The following TENM2 variants were observed in gnomAD, a reference collection of about 807,000 sequenced individuals.
TENM2 encodes the protein teneurin transmembrane protein 2, also known as teneurin-2.
TENM2 carries 52 observed loss-of-function variants against 245.2 expected under a neutral mutation model. The observed-to-expected ratio is 0.21, with a 90% CI of 0.17 to 0.27. TENM2 has a LOEUF of 0.27. TENM2 is among the 10% of genes least tolerant of loss of function. TENM2 has a pLI of 1.00. For missense variants in TENM2, 3,046 were observed against 3,666.8 expected, an observed-to-expected ratio of 0.83 and a Z score of 4.37; for synonymous variants, 1,363 against 1,438.9, an observed-to-expected ratio of 0.95 and a Z score of 1.19.
chr5:167,777,531 G>A (rs533237381), intron 2 of TENM2, among the ~76,000 whole-genome samples: 19 of 152,282 alleles, frequency 1.2e-4, no homozygotes, highest in African/African-American at 4.6e-4. Context: ...TGGGTTCCCT[G>A]GCCTTGAATC....
intron 2 of TENM2, among the ~76,000 whole-genome samples, chr5:167,760,754 A>G (rs1000946473): frequency 9.2e-5 from 14 of 152,116 alleles, no homozygotes; most frequent in Non-Finnish European, 1.8e-4. Flanking sequence ...CCCAAGTTCA[A>G]GTGATTCTCC....
chr5:168,195,352 C>T (rs372624828), intron 15 of TENM2, 57 bp downstream of exon 17: 1 of 1,546,168 alleles, frequency 6.5e-7, no homozygotes. Flanking sequence ...TGCAAAGGGA[C>T]AGACGGTGCT....
chr5:167,964,157 T>C (rs1781217616), intron 4 of TENM2, among the ~76,000 whole-genome samples: 1 of 152,212 alleles, frequency 6.6e-6, no homozygotes. Context: ...CTCCTTCCTC[T>C]GCTGAAAGTG....
chr5:167,121,702 G>A, the TENM2 span, among the ~76,000 whole-genome samples: 2 of 152,196 alleles, frequency 1.3e-5, no homozygotes, highest in Admixed American at 6.5e-5. Context: ...AAGTCTCTAG[G>A]AGTACATAGC....
chr5:167,995,565 A>G (rs1783992751), intron 5 of TENM2, among the ~76,000 whole-genome samples: 1 of 152,198 alleles, frequency 6.6e-6, no homozygotes, highest in African/African-American at 2.4e-5. Flanking sequence ...AGGTGACCGC[A>G]GGTCTGCAAG....
chr5:167,741,506 G>A (rs1270768877), intron 2 of TENM2, among the ~76,000 whole-genome samples: 1 of 152,144 alleles, frequency 6.6e-6, no homozygotes, highest in Non-Finnish European at 1.5e-5. Context: ...AATGTCTGCA[G>A]CAAGTCTGCC....
At chr5:167,545,423 G>T (rs2127611481) in intron 2 of TENM2, among the ~76,000 whole-genome samples, 1 of 152,222 alleles carries the variant, frequency 6.6e-6, no homozygotes, top group South Asian at 2.1e-4. Context: ...TCTCTATAAT[G>T]ATATTACTCA....
intron 7 of TENM2, chr5:168,088,225 C>A (rs767875435): frequency 6.6e-6 from 1 of 152,128 alleles, no homozygotes; most frequent in African/African-American, 2.4e-5. Flanking sequence ...CTTCTCACCT[C>A]GGCACCAAGG....
chr5:167,621,696 T>A (rs1778186085), intron 2 of TENM2, among the ~76,000 whole-genome samples: 1 of 152,090 alleles, frequency 6.6e-6, no homozygotes, highest in Admixed American at 6.5e-5. Context: ...CCTGAACCCC[T>A]AGGATACCTA....
intron 2 of TENM2, among the ~76,000 whole-genome samples, chr5:167,853,466 G>T (rs1381205211): frequency 6.6e-6 from 1 of 151,838 alleles, no homozygotes; most frequent in Non-Finnish European, 1.5e-5. Context: ...AGCTTACAGG[G>T]GTGAGACATC....
At chr5:167,609,488 C>CAGAAAAAAAAAA (rs1777301599) in intron 2 of TENM2, among the ~76,000 whole-genome samples, 1 of 36,684 alleles carries the variant, frequency 2.7e-5, no homozygotes, top group African/African-American at 9.8e-5. Flanking sequence ...CCTGATGATG[C>CAGAAAAAAAAAA]AAAAAAAAAA....
the TENM2 span, among the ~76,000 whole-genome samples, chr5:167,057,077 A>G: frequency 6.6e-6 from 1 of 151,920 alleles, no homozygotes; most frequent in Non-Finnish European, 1.5e-5. Flanking sequence ...TCATATCCTC[A>G]AGCTCAGATA....
chr5:167,993,675 C>G (rs1379959305), intron 5 of TENM2, among the ~76,000 whole-genome samples: 1 of 152,244 alleles, frequency 6.6e-6, no homozygotes, highest in Non-Finnish European at 1.5e-5. Flanking sequence ...AGAAACAGGA[C>G]TGACAGGCTG....
At chr5:167,294,589 C>T (rs886082902) in intron 1 of TENM2, among the ~76,000 whole-genome samples, 13 of 152,144 alleles carry the variant, frequency 8.5e-5, no homozygotes, top group African/African-American at 3.1e-4. Context: ...AGTTTTATTC[C>T]CCATCCCACC....
chr5:168,020,266 G>C (rs1786024171), intron 5 of TENM2, among the ~76,000 whole-genome samples: 1 of 152,174 alleles, frequency 6.6e-6, no homozygotes, highest in Non-Finnish European at 1.5e-5. Context: ...TGGATATTTA[G>C]AGTTCGCCCA....
chr5:167,121,431 T>A, the TENM2 span, among the ~76,000 whole-genome samples: 1 of 152,274 alleles, frequency 6.6e-6, no homozygotes, highest in Non-Finnish European at 1.5e-5. Context: ...TGCACCAGGC[T>A]GTGTGAGTGG....
intron 2 of TENM2, among the ~76,000 whole-genome samples, chr5:167,567,329 CT>C: frequency 6.6e-6 from 1 of 152,210 alleles, no homozygotes; most frequent in Non-Finnish European, 1.5e-5. Flanking sequence ...GGTGAAAAAT[CT>C]TTCTTAAGAA....
chr5:167,491,014 T>C (rs1241302511), intron 2 of TENM2, among the ~76,000 whole-genome samples: 1 of 152,192 alleles, frequency 6.6e-6, no homozygotes, highest in Non-Finnish European at 1.5e-5. Flanking sequence ...GTCATGTATT[T>C]GTCTAGGAAT....
intron 1 of TENM2, among the ~76,000 whole-genome samples, chr5:167,358,914 CA>C (rs1049924925): frequency 1.3e-5 from 2 of 151,470 alleles, no homozygotes; most frequent in Non-Finnish European, 2.9e-5. Flanking sequence ...GTTTTCAATC[CA>C]AAAATGATGT....
Sources: gnomAD v4.1 joint callset for allele counts (sites outside exome capture counted in the v4.1 genomes callset) on GRCh38, gnomAD v4.1.1 for gene constraint, MANE v1.5 for transcripts, NCBI Gene and HGNC (gene_info 2026-07-23, HGNC 2026-07-21) for gene names.